Variants in TCERG1L observed in about 807,000 individuals in gnomAD.
TCERG1L encodes transcription elongation regulator 1-like protein.
A neutral mutation model predicts 56.3 loss-of-function variants in TCERG1L; 37 were observed. The ratio of observed to expected loss-of-function variants is 0.66; its 90% confidence interval spans 0.51 to 0.87. TCERG1L has a LOEUF of 0.87. Among genes scored for constraint, TCERG1L ranks in the 40% least tolerant of loss-of-function variants. The pLI, the probability that TCERG1L is intolerant of heterozygous loss-of-function variation, is 0.00. For synonymous variants in TCERG1L, 324 were observed against 326.3 expected, an observed-to-expected ratio of 0.99 and a Z score of 0.08; for missense variants, 799 against 774.2, an observed-to-expected ratio of 1.03 and a Z score of -0.38.
chr10:131,274,463 G>T (rs1846373077), intron 3 of TCERG1L, among the ~76,000 whole-genome samples: 1 of 152,214 alleles, frequency 6.6e-6, no homozygotes, highest in Non-Finnish European at 1.5e-5. Context: ...ATCCTTGAAG[G>T]AAGTGTGAAG....
At chr10:131,268,150 G>A (rs551042333) in intron 3 of TCERG1L, among the ~76,000 whole-genome samples, 1 of 152,318 alleles carries the variant, frequency 6.6e-6, no homozygotes, top group Admixed American at 6.5e-5. Context: ...GGAGGGCTGG[G>A]CTCCTGCCTG....
chr10:131,250,307 C>T (rs1218729732), intron 4 of TCERG1L, among the ~76,000 whole-genome samples: 1 of 152,212 alleles, frequency 6.6e-6, no homozygotes, highest in Non-Finnish European at 1.5e-5. Flanking sequence ...GACTCACAGA[C>T]GCAGGCTAAT....
At chr10:131,271,526 C>T (rs1846339408) in intron 3 of TCERG1L, among the ~76,000 whole-genome samples, 2 of 152,254 alleles carry the variant, frequency 1.3e-5, no homozygotes, top group African/African-American at 4.8e-5. Flanking sequence ...CCAAGGGATG[C>T]TCACCCAAAA....
At chr10:131,274,554 G>A (rs559149199) in intron 3 of TCERG1L, among the ~76,000 whole-genome samples, 106 of 152,314 alleles carry the variant, frequency 7.0e-4, no homozygotes, top group Non-Finnish European at 1.4e-3. Context: ...CACCAAGACT[G>A]CTTTGCAAAG....
chr10:131,171,637 C>G (rs1846093631), intron 4 of TCERG1L, among the ~76,000 whole-genome samples: 1 of 152,148 alleles, frequency 6.6e-6, no homozygotes, highest in Non-Finnish European at 1.5e-5. Flanking sequence ...GGAGTGGGTT[C>G]ACTGCAACCT....
rs527449463 is a variant in TCERG1L, at chr10:131,118,671, T to C, written c.1260-1737A>G. Among the ~76,000 whole-genome samples the C allele has an allele frequency of 2.0e-5, 3 of 152,180 alleles. No homozygotes were observed. Among genetic ancestry groups the C allele is most frequent in the Admixed American group, 6.5e-5 (1 of 15,280 alleles). ...GAGGTCTGCTCTTGGTAATTTTCCA[T>C]CCACTGACCCCCAACCCTGACCGTG... On this transcript the variant is annotated intron_variant, in intron 8 of 11. Transcript: ENST00000368642. The surrounding 1 kb of genome is among the most constrained non-coding windows in gnomAD (Gnocchi z 4.2).
At chr10:131,268,391 C>T (rs756611004) in intron 3 of TCERG1L, among the ~76,000 whole-genome samples, 2 of 152,218 alleles carry the variant, frequency 1.3e-5, no homozygotes, top group Non-Finnish European at 2.9e-5. Flanking sequence ...AGCACACAGG[C>T]AGAGTAGATT....
Position 131,308,221 on chromosome 10 carries a change from C to T in TCERG1L, c.660G>A (p.Gln220=), listed in dbSNP as rs754231346. The change falls in exon 3 of 12, where the codon CAG becomes CAA. Residue 220 remains glutamine, a synonymous_variant. Coordinates refer to ENST00000368642, the MANE Select transcript of TCERG1L (RefSeq NM_174937.4). ...RPLPTVVLAP[Q]PIPGGCHNSL... is the part of the protein sequence containing the mutation. The stretch of plus-strand genomic sequence containing the variant: ...TATTTGGGCACCAACCTGGGATGGG[C>T]TGAGGTGCTAACACCACCGTGGGGA... 3 of 1,611,896 alleles carry T rather than the reference C, an allele frequency of 1.9e-6. No homozygotes were observed. The highest frequency in any genetic ancestry group is 2.5e-6 in the Non-Finnish European group (3 of 1,179,250).
rs986319643 is a variant in TCERG1L, at chr10:131,121,047, G to A, written c.1260-4113C>T. Among the ~76,000 whole-genome samples the A allele has an allele frequency of 3.9e-5, 6 of 152,374 alleles. 1 individual carries two copies. The South Asian group carries it at 1.2e-3, about 32-fold the overall frequency. ...CACAGTGCAGAGACTGTCAGTGCCA[G>A]AGGGGCTTCTGGTTGGTGTTCCCGC... On this transcript the variant is annotated intron_variant, in intron 8 of 11. Transcript: ENST00000368642.
chr10:131,155,839 G>A (rs927648834), intron 6 of TCERG1L, among the ~76,000 whole-genome samples: 1 of 152,104 alleles, frequency 6.6e-6, no homozygotes, highest in Admixed American at 6.5e-5. Flanking sequence ...TCTCAAATGC[G>A]AGCTAAATGG....
intron 9 of TCERG1L, among the ~76,000 whole-genome samples, chr10:131,109,453 T>TCTGTGA (rs1845388665): frequency 6.6e-6 from 1 of 151,950 alleles, no homozygotes; most frequent in Non-Finnish European, 1.5e-5. Context: ...TGTGGCTGTG[T>TCTGTGA]CTGTGACTGT....
At chr10:131,235,676 A>G (rs1845905360) in intron 4 of TCERG1L, among the ~76,000 whole-genome samples, 1 of 152,252 alleles carries the variant, frequency 6.6e-6, no homozygotes, top group Admixed American at 6.5e-5. Flanking sequence ...ATCAACATGT[A>G]GAACAACATA....
Position 131,308,323 on chromosome 10 carries a change from A to T in TCERG1L, c.558T>A (p.His186Gln), listed in dbSNP as rs1458099391. 6.2e-7 allele frequency: 1 copy of T among 1,613,928 alleles called. No homozygotes were observed. The highest frequency in any genetic ancestry group is 1.3e-5 in the African/African-American group (1 of 74,946). The change falls in exon 3 of 12, where the codon CAT (histidine) becomes CAA (glutamine). Residue 186 changes from histidine (H) to glutamine (Q), a missense_variant. Physicochemically the swap from His to Gln is conservative, Grantham distance 24. Transcript: ENST00000368642. The part of the protein sequence containing the change: ...WIHPEESRFF[H>Q]GHEKPRLLAN... ...CCAGCAAACGAGGCTTTTCATGCCC[A>T]TGGAAAAACCTTGACTCCTCAGGAT... is the stretch of plus-strand genomic sequence containing the variant.
rs1218399563 is a variant in TCERG1L at position 131,205,312 on chromosome 10, T to G, written c.857-38427A>C. The stretch of plus-strand genomic sequence containing the variant: ...CCCAACTCTCTGCTGTGTCACTTGC[T>G]TCAGAAATGTGAAGCTATGAAACCT... On this transcript the variant is annotated intron_variant, in intron 4 of 11. Transcript: ENST00000368642. Among the ~76,000 whole-genome samples the G allele has an allele frequency of 1.6e-4, 25 of 151,974 alleles. No individual in the cohort carries two copies. The East Asian group carries it at 3.9e-3, about 24-fold the overall frequency.
intron 7 of TCERG1L, among the ~76,000 whole-genome samples, chr10:131,141,055 C>T (rs1845733432): frequency 6.6e-6 from 1 of 152,180 alleles, no homozygotes; most frequent in Non-Finnish European, 1.5e-5. Flanking sequence ...AGCAGAGCTG[C>T]AACTACCCCG....
intron 3 of TCERG1L, among the ~76,000 whole-genome samples, chr10:131,283,130 C>T (rs7079632): frequency 0.074 from 11,203 of 152,278 alleles, 522 homozygotes; most frequent in African/African-American, 0.12. Flanking sequence ...ATGTCTGCCA[C>T]GGTGCCGTGA....
At chr10:131,237,561 G>A (rs147786581) in intron 4 of TCERG1L, among the ~76,000 whole-genome samples, 3 of 152,130 alleles carry the variant, frequency 2.0e-5, no homozygotes, top group Non-Finnish European at 4.4e-5. Context: ...GCATTGTATC[G>A]GATTAGATAA....
chr10:131,239,398 A>C (rs1005652771), intron 4 of TCERG1L, among the ~76,000 whole-genome samples: 2 of 152,274 alleles, frequency 1.3e-5, no homozygotes, highest in African/African-American at 4.8e-5. Flanking sequence ...TCTCCTAAAA[A>C]TAAAGGCATG....
At chr10:131,104,144 A>G in intron 10 of TCERG1L, 121 bp downstream of exon 10, 1 of 657,054 alleles carries the variant, frequency 1.5e-6, no homozygotes, top group Non-Finnish European at 2.6e-6. Context: ...CTCGCAAGCC[A>G]CTGGCCAAAT....
Sources: gnomAD v4.1 joint callset for allele counts (sites outside exome capture counted in the v4.1 genomes callset) on GRCh38, gnomAD v4.1.1 for gene constraint, Gnocchi (gnomAD v3.1) non-coding constraint, MANE v1.5 for transcripts, NCBI Gene and HGNC (gene_info 2026-07-23, HGNC 2026-07-21) for gene names.